The following ST3GAL1 variants were observed in gnomAD, a reference collection of about 807,000 sequenced individuals.
The protein encoded by ST3GAL1 is ST3 beta-galactoside alpha-2,3-sialyltransferase 1.
ST3GAL1 carries 16 observed loss-of-function variants against 34.1 expected under a neutral mutation model. The observed-to-expected ratio is 0.47, with a 90% confidence interval of 0.32 to 0.71. The LOEUF is 0.71. Ranked by LOEUF, ST3GAL1 falls within the 30% of genes least tolerant of loss-of-function variation. The pLI, the probability that ST3GAL1 is intolerant of heterozygous loss-of-function variation, is 0.04. For missense variants in ST3GAL1, 353 were observed against 447.4 expected (o/e 0.79, Z 1.90); for synonymous variants, 191 against 184.7 (o/e 1.03, Z -0.28).
chr8:133,539,205 A>G (rs1818393426), intron 2 of ST3GAL1, among the ~76,000 whole-genome samples: 1 of 152,210 alleles, frequency 6.6e-6, no homozygotes, highest in Non-Finnish European at 1.5e-5. Flanking sequence ...AGAACCAAGA[A>G]GAACGAAGTT....
intron 3 of ST3GAL1, among the ~76,000 whole-genome samples, chr8:133,493,038 C>G (rs895633573): frequency 1.3e-5 from 2 of 151,352 alleles, no homozygotes; most frequent in African/African-American, 4.9e-5. Flanking sequence ...AGAGACAGCT[C>G]TGTCCCAGCT....
chr8:133,533,536 C>T (rs768300123), intron 2 of ST3GAL1, among the ~76,000 whole-genome samples: 5 of 152,180 alleles, frequency 3.3e-5, no homozygotes, highest in African/African-American at 7.2e-5. Context: ...TCTTTTCATC[C>T]GTGTGTCCAT....
At chr8:133,539,270 A>C (rs1225874308) in intron 2 of ST3GAL1, among the ~76,000 whole-genome samples, 1 of 152,222 alleles carries the variant, frequency 6.6e-6, no homozygotes, top group African/African-American at 2.4e-5. Context: ...CCAGAAGGCA[A>C]GTAAATTCAC....
intron 3 of ST3GAL1, among the ~76,000 whole-genome samples, chr8:133,478,354 T>C (rs1816256564): frequency 2.0e-5 from 3 of 152,196 alleles, no homozygotes; most frequent in Admixed American, 2.0e-4. Context: ...AGAAACTTTC[T>C]TTTGCTCTGG....
At chr8:133,506,221 T>C (rs1817331669) in intron 2 of ST3GAL1, among the ~76,000 whole-genome samples, 1 of 152,144 alleles carries the variant, frequency 6.6e-6, no homozygotes, top group South Asian at 2.1e-4. Context: ...CTCACTGGCT[T>C]TGAGACTTTG....
At chr8:133,498,090 T>C (rs768258995) in intron 3 of ST3GAL1, among the ~76,000 whole-genome samples, 7 of 152,236 alleles carry the variant, frequency 4.6e-5, no homozygotes, top group African/African-American at 7.2e-5. Flanking sequence ...AAAATCGCTG[T>C]CTCTGCCACT....
chr8:133,485,799 T>G (rs733911), intron 3 of ST3GAL1, among the ~76,000 whole-genome samples: 142,591 of 151,978 alleles, frequency 0.94, 66,983 homozygotes, highest in East Asian at 1. Flanking sequence ...TTGGGGGGGA[T>G]AGAAGGTCGG....
At chr8:133,545,643 G>T (rs374989382) in intron 2 of ST3GAL1, 131 bp downstream of exon 2, 3 of 152,230 alleles carry the variant, frequency 2.0e-5, no homozygotes, top group South Asian at 4.1e-4. Flanking sequence ...GGGCAAGCAG[G>T]ACATGTTTCA....
Position 133,469,255 on chromosome 8 carries a change from A to AT in ST3GAL1, c.307-3166dup, listed in dbSNP as rs565288124. ...TTGATTTGATATGGAGTCTCACTCT[A>AT]TCGCCCAGGCTGGAATGCAGTGGTG... On this transcript the variant is annotated intron_variant, in intron 5 of 9. Transcript: ENST00000522652. The surrounding 1 kb of genome is among the most constrained non-coding windows in gnomAD (Gnocchi z 4.3). Among the ~76,000 whole-genome samples the AT allele has an allele frequency of 1.8e-4, 27 of 152,100 alleles. No homozygotes were observed. The highest frequency in any genetic ancestry group is 3.7e-4 in the Non-Finnish European group (25 of 68,022).
At chr8:133,541,152 G>GAGAGAGAGAGAGAGAGAGAC (rs1159713676) in intron 2 of ST3GAL1, among the ~76,000 whole-genome samples, 1 of 136,640 alleles carries the variant, frequency 7.3e-6, no homozygotes. Flanking sequence ...GAGAGAGAGA[G>GAGAGAGAGAGAGAGAGAGAC]ACTGTGTGTC....
intron 2 of ST3GAL1, among the ~76,000 whole-genome samples, chr8:133,531,376 C>T (rs1438849149): frequency 3.9e-5 from 6 of 152,042 alleles, no homozygotes; most frequent in East Asian, 1.9e-4. Context: ...ACCTGTATAG[C>T]GTTTAATATG....
chr8:133,538,901 A>G (rs1013353468), intron 2 of ST3GAL1, among the ~76,000 whole-genome samples: 2 of 146,136 alleles, frequency 1.4e-5, no homozygotes, highest in Admixed American at 1.4e-4. Context: ...CAGCCCCCCA[A>G]CTTATTAGCT....
At chr8:133,551,552 A>C (rs530058524) in intron 1 of ST3GAL1, among the ~76,000 whole-genome samples, 38 of 85,420 alleles carry the variant, frequency 4.4e-4, no homozygotes, top group African/African-American at 1.6e-3. Context: ...GAAAGAAAGA[A>C]AGAAAGAAAG....
At chr8:133,565,312 G>C (rs1270736578) in intron 1 of ST3GAL1, among the ~76,000 whole-genome samples, 1 of 152,158 alleles carries the variant, frequency 6.6e-6, no homozygotes. Context: ...CAGAGTTGCA[G>C]AGGGCAGGAC....
At chr8:133,515,364 C>G (rs1400894557) in intron 2 of ST3GAL1, 1 of 152,174 alleles carries the variant, frequency 6.6e-6, no homozygotes, top group African/African-American at 2.4e-5. Flanking sequence ...AAATGTGATC[C>G]CCAGTGTTGG....
At chr8:133,482,911 C>T (rs963737886) in intron 3 of ST3GAL1, among the ~76,000 whole-genome samples, 1 of 152,190 alleles carries the variant, frequency 6.6e-6, no homozygotes, top group Non-Finnish European at 1.5e-5. Context: ...TTGTCAACAA[C>T]AACAACAACA....
At chr8:133,522,631 A>G (rs1417420547) in intron 2 of ST3GAL1, among the ~76,000 whole-genome samples, 1 of 152,174 alleles carries the variant, frequency 6.6e-6, no homozygotes, top group Non-Finnish European at 1.5e-5. Flanking sequence ...CTACGTTCAT[A>G]TCCAGCAGAG....
At chr8:133,484,798 G>C (rs1816519230) in intron 3 of ST3GAL1, among the ~76,000 whole-genome samples, 1 of 152,100 alleles carries the variant, frequency 6.6e-6, no homozygotes, top group Non-Finnish European at 1.5e-5. Flanking sequence ...CCTGCCACCT[G>C]TCCATCCCCC....
At chr8:133,513,643 C>A (rs1188354792) in intron 2 of ST3GAL1, among the ~76,000 whole-genome samples, 1 of 152,132 alleles carries the variant, frequency 6.6e-6, no homozygotes, top group Non-Finnish European at 1.5e-5. Context: ...CACCTGTAAT[C>A]CCAATACTTT....
Sources: gnomAD v4.1 joint callset for allele counts (sites outside exome capture counted in the v4.1 genomes callset) on GRCh38, gnomAD v4.1.1 for gene constraint, Gnocchi (gnomAD v3.1) non-coding constraint, MANE v1.5 for transcripts, NCBI Gene and HGNC (gene_info 2026-07-23, HGNC 2026-07-21) for gene names.